Variants in PXYLP1 observed in about 807,000 individuals in gnomAD.
The protein encoded by PXYLP1 is acid phosphatase-like 2.
A neutral mutation model predicts 37.9 loss-of-function variants in PXYLP1; 17 were observed. That is an observed-to-expected ratio of 0.45 (90% CI 0.31 to 0.67). PXYLP1 has a LOEUF of 0.67. Among genes scored for constraint, PXYLP1 ranks in the 30% least tolerant of loss-of-function variants. The pLI, the probability that PXYLP1 is intolerant of heterozygous loss-of-function variation, is 0.07. For synonymous variants in PXYLP1, 221 were observed against 232.2 expected (o/e 0.95, Z 0.44); for missense variants, 511 against 612.0 (o/e 0.84, Z 1.74).
At chr3:141,288,248 A>G (rs1942121125) in intron 5 of PXYLP1, among the ~76,000 whole-genome samples, 1 of 152,246 alleles carries the variant, frequency 6.6e-6, no homozygotes, top group Non-Finnish European at 1.5e-5. Flanking sequence ...TTGCCTGGTC[A>G]CCAGCCTTTA....
At position 141,266,413 on chromosome 3, in the gene PXYLP1, G is replaced by A. The variant is rs61628798; in HGVS notation, c.79+6159G>A. Among the ~76,000 whole-genome samples the A allele has an allele frequency of 8.2e-3, 1,247 of 152,198 alleles. 15 individuals carry two copies. The highest frequency in any genetic ancestry group is 0.028 in the African/African-American group (1,169 of 41,526). ...CACAGCGCCCACCTGCCTAGTCCCTGTCAGCTTCTGAATTTGTGCCCTGCG... is the reference window on the plus strand; with the variant it reads ...CACAGCGCCCACCTGCCTAGTCCCTATCAGCTTCTGAATTTGTGCCCTGCG... On this transcript the variant is annotated intron_variant, in intron 2 of 5. Transcript: ENST00000286353.
At chr3:141,285,144 C>CT (rs147495598) in intron 4 of PXYLP1, among the ~76,000 whole-genome samples, 9,490 of 78,626 alleles carry the variant, frequency 0.12, 590 homozygotes, top group Non-Finnish European at 0.14. Flanking sequence ...TTTTCTTTTT[C>CT]TTTTTTTTTT....
In PXYLP1 at chr3:141,292,149, A is replaced by C. The variant is rs937970849; in HGVS notation, c.506-119A>C. Reference sequence around the variant, plus strand: ...TGTAACTTCCACACCATGGGGAAACAGGCTGGATGCCATTCTCTTGCCCTA... The same window carrying C: ...TGTAACTTCCACACCATGGGGAAACCGGCTGGATGCCATTCTCTTGCCCTA... On this transcript the variant is annotated intron_variant, in intron 5 of 5. Coordinates refer to ENST00000286353, the MANE Select transcript of PXYLP1 (RefSeq NM_001037172.3). This position sits in a 1 kb window ranked among gnomAD's most constrained non-coding sequence, Gnocchi z 4.3. 1 of 939,280 alleles carries C rather than the reference A, an allele frequency of 1.1e-6. No individual in the cohort carries two copies. The highest frequency in any genetic ancestry group is 1.6e-5 in the African/African-American group (1 of 60,884). 58.2% of individuals were successfully genotyped at this position (939,280 alleles called of 1,614,324 possible).
chr3:141,269,308 G>T (rs923904559), intron 2 of PXYLP1, among the ~76,000 whole-genome samples: 1 of 152,112 alleles, frequency 6.6e-6, no homozygotes, highest in Admixed American at 6.5e-5. Context: ...ACCGGAGCAG[G>T]GACAGAAGCA....
At chr3:141,251,340 G>A (rs1245906069) in intron 1 of PXYLP1, among the ~76,000 whole-genome samples, 1 of 152,202 alleles carries the variant, frequency 6.6e-6, no homozygotes, top group Non-Finnish European at 1.5e-5. Flanking sequence ...CAGTGTTTCA[G>A]AGCCTGGAAT....
At chr3:141,280,622 A>G (rs928577740) in intron 4 of PXYLP1, among the ~76,000 whole-genome samples, 1 of 152,236 alleles carries the variant, frequency 6.6e-6, no homozygotes, top group Non-Finnish European at 1.5e-5. Context: ...TCATCATTAT[A>G]AACAGGTACT....
chr3:141,244,093 A>G (rs750046194), intron 1 of PXYLP1, among the ~76,000 whole-genome samples: 1 of 152,250 alleles, frequency 6.6e-6, no homozygotes, highest in Non-Finnish European at 1.5e-5. Flanking sequence ...GAAAATTGAG[A>G]TTACTTGTCA....
At chr3:141,240,729 T>G (rs1236263008) in intron 1 of PXYLP1, among the ~76,000 whole-genome samples, 1 of 152,104 alleles carries the variant, frequency 6.6e-6, no homozygotes, top group African/African-American at 2.4e-5. Flanking sequence ...TGGGGGTGTT[T>G]TCTTTAGAAG....
At chr3:141,250,090 G>T (rs1163261616) in intron 1 of PXYLP1, among the ~76,000 whole-genome samples, 1 of 152,112 alleles carries the variant, frequency 6.6e-6, no homozygotes, top group Non-Finnish European at 1.5e-5. Flanking sequence ...TTTTAGGAAA[G>T]AAATGGTAGC....
At chr3:141,271,689 G>T (rs955612508) in intron 2 of PXYLP1, among the ~76,000 whole-genome samples, 8 of 152,220 alleles carry the variant, frequency 5.3e-5, no homozygotes, top group Admixed American at 3.9e-4. Flanking sequence ...ACAAGCATGG[G>T]GATGGCAGGA....
At position 141,231,867 on chromosome 3, in the gene PXYLP1, C is replaced by T. The variant is rs1295531338; in HGVS notation, c.-98C>T. ...GAGGAGCTGGCGGCGAGCGCCGAGC[C>T]GGGCGCGCAGCGACGGAGCTGGGGC... On this transcript the variant is annotated 5_prime_UTR_variant, in exon 1 of 6. Coordinates refer to ENST00000286353, the MANE Select transcript of PXYLP1 (RefSeq NM_001037172.3). This position sits in a 1 kb window ranked among gnomAD's most constrained non-coding sequence, Gnocchi z 4.4. 2 of 151,038 alleles carry T rather than the reference C, an allele frequency of 1.3e-5. No individual in the cohort carries two copies. Among genetic ancestry groups the T allele is most frequent in the Non-Finnish European group, 3.0e-5 (2 of 67,654 alleles). 9.4% of individuals were successfully genotyped at this position (151,038 alleles called of 1,614,324 possible).
chr3:141,294,052 C>T lies in PXYLP1; in HGVS notation c.*847C>T, dbSNP rs903264880. 1 of 152,140 alleles carries T rather than the reference C, an allele frequency of 6.6e-6. No homozygotes were observed. Among genetic ancestry groups the T allele is most frequent in the African/African-American group, 2.4e-5 (1 of 41,426 alleles). The allele number at this position is 152,140 out of a possible 1,614,324, so 9.4% of individuals were successfully genotyped here. ...TCATAGAAAACTGATTAGAAGAATA[C>T]TTGATGTTTATGATGATTGTGGTAC... is the stretch of plus-strand genomic sequence containing the variant. On this transcript the variant is annotated 3_prime_UTR_variant, in exon 6 of 6. Coordinates refer to ENST00000286353, the MANE Select transcript of PXYLP1 (RefSeq NM_001037172.3).
intron 1 of PXYLP1, among the ~76,000 whole-genome samples, chr3:141,256,485 C>T (rs1941264993): frequency 6.6e-6 from 1 of 152,128 alleles, no homozygotes; most frequent in African/African-American, 2.4e-5. Flanking sequence ...CTACGCACTC[C>T]ACTTCTCATG....
At chr3:141,248,428 T>C (rs1382759263) in intron 1 of PXYLP1, among the ~76,000 whole-genome samples, 1 of 151,728 alleles carries the variant, frequency 6.6e-6, no homozygotes, top group African/African-American at 2.4e-5. Context: ...TGGGTAACAG[T>C]GCTCTTAGCT....
At chr3:141,274,999 A>C (rs1429079146) in intron 2 of PXYLP1, among the ~76,000 whole-genome samples, 25 of 152,148 alleles carry the variant, frequency 1.6e-4, no homozygotes, top group Admixed American at 1.6e-3. Flanking sequence ...ATTGGGGTCA[A>C]GATGGAGCTG....
intron 2 of PXYLP1, among the ~76,000 whole-genome samples, chr3:141,269,423 T>C (rs2148786293): frequency 6.6e-6 from 1 of 152,328 alleles, no homozygotes; most frequent in South Asian, 2.1e-4. Flanking sequence ...TTTCTTTTTA[T>C]ACTTTAGTGT....
chr3:141,254,756 A>T (rs867232987), intron 1 of PXYLP1, among the ~76,000 whole-genome samples: 1 of 152,126 alleles, frequency 6.6e-6, no homozygotes, highest in East Asian at 1.9e-4. Context: ...GGCCAAAATA[A>T]TTCTGACCAA....
intron 1 of PXYLP1, among the ~76,000 whole-genome samples, chr3:141,242,248 A>C (rs1284964311): frequency 6.6e-6 from 1 of 152,126 alleles, no homozygotes; most frequent in Non-Finnish European, 1.5e-5. Flanking sequence ...CTCAATCCTG[A>C]AATCCACCAA....
intron 5 of PXYLP1, among the ~76,000 whole-genome samples, chr3:141,288,137 T>G (rs1243262282): frequency 2.0e-5 from 3 of 152,194 alleles, no homozygotes; most frequent in Non-Finnish European, 4.4e-5. Context: ...GGTAGGTTGG[T>G]GAGTTAACTG....
Sources: gnomAD v4.1 joint callset for allele counts (sites outside exome capture counted in the v4.1 genomes callset) on GRCh38, gnomAD v4.1.1 for gene constraint, Gnocchi (gnomAD v3.1) non-coding constraint, MANE v1.5 for transcripts, NCBI Gene and HGNC (gene_info 2026-07-23, HGNC 2026-07-21) for gene names.